Variants in KPNA1 observed in about 807,000 individuals in gnomAD.
KPNA1 encodes karyopherin subunit alpha 1.
KPNA1 carries 10 observed loss-of-function variants against 70.5 expected under a neutral mutation model. The ratio of observed to expected loss-of-function variants is 0.14; its 90% CI spans 0.09 to 0.24. The LOEUF (loss-of-function observed/expected upper bound fraction) is 0.24, where lower values mean the gene tolerates loss of function less well. Among genes scored for constraint, KPNA1 ranks in the 10% least tolerant of loss-of-function variants. KPNA1 has a pLI of 1.00. For missense variants in KPNA1, 397 were observed against 637.9 expected (o/e 0.62, Z 4.07); for synonymous variants, 192 against 221.9 (o/e 0.87, Z 1.20).
At chr3:122,431,497 A>T (rs1045619824) in intron 12 of KPNA1, among the ~76,000 whole-genome samples, 2 of 152,176 alleles carry the variant, frequency 1.3e-5, no homozygotes, top group Non-Finnish European at 2.9e-5. Context: ...CTTGCATCCA[A>T]ATCTGGTATC....
At chr3:122,458,294 C>G (rs1301711594) in intron 5 of KPNA1, among the ~76,000 whole-genome samples, 1 of 152,154 alleles carries the variant, frequency 6.6e-6, no homozygotes, top group Non-Finnish European at 1.5e-5. Flanking sequence ...GACAAGGGCT[C>G]AAGTCTATCT....
chr3:122,433,511 C>T, intron 12 of KPNA1, 150 bp downstream of exon 12: 1 of 560,180 alleles, frequency 1.8e-6, no homozygotes, highest in Non-Finnish European at 3.0e-6. Context: ...TGGAACTAAA[C>T]ATTCTTATTT....
chr3:122,424,470 AT>A lies in KPNA1; in HGVS notation c.*2514del, dbSNP rs1446177181. 2 of 152,334 alleles carry A rather than the reference AT, an allele frequency of 1.3e-5. No homozygotes were observed. The highest frequency in any genetic ancestry group is 4.8e-5 in the African/African-American group (2 of 41,446). The allele number at this position is 152,334 out of a possible 1,614,324, so 9.4% of individuals were successfully genotyped here. A position where few individuals can be genotyped will look rare whatever the true frequency, so the allele number is the denominator to read the frequency against. ...TCCAACTTTGATACTTTAAGAAAAAATCATTTTATTGTTAAAAAAGAAAAAA... is the reference window on the plus strand; with the variant it reads ...TCCAACTTTGATACTTTAAGAAAAAACATTTTATTGTTAAAAAAGAAAAAA... On this transcript the variant is annotated 3_prime_UTR_variant, in exon 14 of 14. Transcript: ENST00000344337.
At chr3:122,471,297 G>A (rs1015638274) in intron 2 of KPNA1, among the ~76,000 whole-genome samples, 4 of 152,164 alleles carry the variant, frequency 2.6e-5, no homozygotes, top group Non-Finnish European at 4.4e-5. Flanking sequence ...TTTGCAGTAT[G>A]TCCCAAAATG....
At chr3:122,486,793 T>C (rs2076635142) in intron 2 of KPNA1, among the ~76,000 whole-genome samples, 1 of 152,086 alleles carries the variant, frequency 6.6e-6, no homozygotes, top group Non-Finnish European at 1.5e-5. Context: ...TCACCAATGT[T>C]AGCCAGGATG....
chr3:122,442,262 A>G (rs1395978307), intron 9 of KPNA1, 146 bp from the exon 10 acceptor site: 4 of 624,738 alleles, frequency 6.4e-6, no homozygotes, highest in African/African-American at 5.5e-5. Flanking sequence ...AACGCTTATC[A>G]TGATGATGGA....
chr3:122,459,202 T>C (rs1393689508), intron 5 of KPNA1, among the ~76,000 whole-genome samples: 1 of 152,192 alleles, frequency 6.6e-6, no homozygotes, highest in Non-Finnish European at 1.5e-5. Context: ...TCGGAGAATG[T>C]ACTTGTACTT....
At chr3:122,466,529 T>C (rs1457149000) in intron 3 of KPNA1, among the ~76,000 whole-genome samples, 1 of 152,148 alleles carries the variant, frequency 6.6e-6, no homozygotes, top group Non-Finnish European at 1.5e-5. Flanking sequence ...TACAATACTC[T>C]AGAAATCTAG....
chr3:122,457,466 T>C lies in KPNA1; in HGVS notation c.433-3465A>G, dbSNP rs79973992. 6.6e-3 allele frequency among the ~76,000 whole-genome samples: 1,011 copies of C among 152,350 alleles called. 5 individuals are homozygous for C. The highest frequency in any genetic ancestry group is 0.023 in the African/African-American group (968 of 41,572). ...GGCCAAATAAAATCTTCACTTCTTT[T>C]GTTGTTTTAAACTACTATATTCTTA... is the stretch of plus-strand genomic sequence containing the variant. On this transcript the variant is annotated intron_variant, in intron 5 of 13. Transcript: ENST00000344337.
At chr3:122,473,392 A>G (rs1420598268) in intron 2 of KPNA1, among the ~76,000 whole-genome samples, 1 of 152,350 alleles carries the variant, frequency 6.6e-6, no homozygotes, top group South Asian at 2.1e-4. Context: ...CCAACATCAG[A>G]GTATTCCAAA....
chr3:122,499,306 T>A (rs2076797762), intron 1 of KPNA1, among the ~76,000 whole-genome samples: 1 of 152,236 alleles, frequency 6.6e-6, no homozygotes, highest in Non-Finnish European at 1.5e-5. Flanking sequence ...AAGCATGATG[T>A]TACCTTTGGA....
At chr3:122,439,082 T>C (rs758802803) in intron 10 of KPNA1, among the ~76,000 whole-genome samples, 5 of 152,184 alleles carry the variant, frequency 3.3e-5, no homozygotes, top group African/African-American at 4.8e-5. Flanking sequence ...AAATAGGCAA[T>C]AGGATTTCAT....
intron 11 of KPNA1, among the ~76,000 whole-genome samples, chr3:122,434,189 G>C (rs968179782): frequency 6.6e-6 from 1 of 152,070 alleles, no homozygotes; most frequent in East Asian, 1.9e-4. Flanking sequence ...CACCCACCTC[G>C]GCCTCCCAAA....
intron 1 of KPNA1, among the ~76,000 whole-genome samples, chr3:122,506,596 T>C (rs919553768): frequency 6.6e-6 from 1 of 152,216 alleles, no homozygotes; most frequent in Non-Finnish European, 1.5e-5. Context: ...GAAAAACCCT[T>C]CAATAAAGCT....
chr3:122,446,114 A>G lies in KPNA1; in HGVS notation c.917+3460T>C, dbSNP rs1176137684. On this transcript the variant is annotated intron_variant, in intron 9 of 13. Coordinates refer to ENST00000344337, the MANE Select transcript of KPNA1 (RefSeq NM_002264.4). ...CACTGTCAATATTAGACAGATCAAC[A>G]CGACAGAAGGTTAACAAGGATATCC... is the stretch of plus-strand genomic sequence containing the variant. Among the ~76,000 whole-genome samples, 6 of 152,242 alleles carry G rather than the reference A, an allele frequency of 3.9e-5. No individual in the cohort carries two copies. The East Asian group carries it at 7.7e-4, about 20-fold the overall frequency.
chr3:122,442,944 G>C (rs1410245551), intron 9 of KPNA1: 1 of 152,336 alleles, frequency 6.6e-6, no homozygotes, highest in African/African-American at 2.4e-5. Context: ...CATCTCACTG[G>C]GACTGGTTGG....
chr3:122,458,023 T>A (rs1297966750), intron 5 of KPNA1, among the ~76,000 whole-genome samples: 1 of 152,162 alleles, frequency 6.6e-6, no homozygotes, highest in Non-Finnish European at 1.5e-5. Context: ...CACATTAAGC[T>A]TTTAGAGGGG....
chr3:122,435,623 A>C (rs2075974794), intron 11 of KPNA1, among the ~76,000 whole-genome samples: 1 of 152,220 alleles, frequency 6.6e-6, no homozygotes, highest in Non-Finnish European at 1.5e-5. Flanking sequence ...AGAAGGACAT[A>C]AATTGTGAAG....
intron 1 of KPNA1, among the ~76,000 whole-genome samples, chr3:122,502,060 AACATGCTACC>A (rs2076835326): frequency 6.6e-6 from 1 of 152,234 alleles, no homozygotes; most frequent in Admixed American, 6.5e-5. Context: ...ACTAATTTAT[AACATGCTACC>A]ACATCTTCTA....
Sources: gnomAD v4.1 joint callset for allele counts (sites outside exome capture counted in the v4.1 genomes callset) on GRCh38, gnomAD v4.1.1 for gene constraint, MANE v1.5 for transcripts, NCBI Gene and HGNC (gene_info 2026-07-23, HGNC 2026-07-21) for gene names.